CCDC171: variants seen among roughly 807,000 people sequenced by gnomAD.
The protein encoded by CCDC171 is coiled-coil domain containing 171, also known as coiled-coil domain-containing protein 171.
Under a neutral mutation model 168.2 loss-of-function variants are expected in CCDC171, and 177 were observed. The observed-to-expected ratio is 1.05, with a 90% confidence interval of 0.93 to 1.19. The LOEUF is 1.19. Among genes scored for constraint, CCDC171 ranks in the 50% most tolerant of loss-of-function variants. The pLI, the probability that CCDC171 is intolerant of heterozygous loss-of-function variation, is 0.00. For synonymous variants in CCDC171, 687 were observed against 540.8 expected, an observed-to-expected ratio of 1.27 and a Z score of -3.75; for missense variants, 1,991 against 1,539.0, an observed-to-expected ratio of 1.29 and a Z score of -4.91.
chr9:15,996,261 A>T (rs1832368320), intron 3 of CCDC171, among the ~76,000 whole-genome samples: 2 of 152,118 alleles, frequency 1.3e-5, no homozygotes, highest in African/African-American at 4.8e-5. Flanking sequence ...TAATGCACAT[A>T]GGTCTTGGCC....
intron 1 of CCDC171, among the ~76,000 whole-genome samples, chr9:16,054,492 TTTG>T (rs1195557065): frequency 6.6e-6 from 1 of 151,966 alleles, no homozygotes; most frequent in East Asian, 1.9e-4. Context: ...CATAAGCACC[TTTG>T]TTGTTGTTGT....
chr9:16,099,977 A>G, the CCDC171 span, among the ~76,000 whole-genome samples: 1 of 151,762 alleles, frequency 6.6e-6, no homozygotes, highest in Admixed American at 6.6e-5. Flanking sequence ...TGAGAAACCA[A>G]CGCTGTATGG....
intron 6 of CCDC171, among the ~76,000 whole-genome samples, chr9:15,600,096 A>G (rs2042717033): frequency 6.6e-6 from 1 of 152,058 alleles, no homozygotes; most frequent in African/African-American, 2.4e-5. Context: ...TTCCTCCTTT[A>G]GCTCGGAGTA....
intron 23 of CCDC171, among the ~76,000 whole-genome samples, chr9:15,858,597 A>G (rs1022409252): frequency 1.3e-5 from 2 of 151,934 alleles, no homozygotes; most frequent in African/African-American, 4.8e-5. Context: ...TTTTGCCAAT[A>G]TTTTATACTT....
At chr9:15,664,395 C>A (rs1185214249) in intron 8 of CCDC171, among the ~76,000 whole-genome samples, 1 of 152,038 alleles carries the variant, frequency 6.6e-6, no homozygotes, top group Non-Finnish European at 1.5e-5. Context: ...ATTACAAACG[C>A]GTGACACCAC....
intron 11 of CCDC171, among the ~76,000 whole-genome samples, chr9:15,717,373 C>T (rs2053159552): frequency 6.6e-6 from 1 of 152,186 alleles, no homozygotes; most frequent in African/African-American, 2.4e-5. Context: ...CTAAAGTGCT[C>T]AGGGTCCTAA....
chr9:15,569,677 T>C (rs985301605), intron 2 of CCDC171, among the ~76,000 whole-genome samples: 2 of 151,176 alleles, frequency 1.3e-5, no homozygotes, highest in African/African-American at 2.4e-5. Flanking sequence ...TAGCCGGGCG[T>C]GGTGGCGGGC....
chr9:15,768,192 T>TAA (rs34022345), intron 18 of CCDC171, among the ~76,000 whole-genome samples: 62,600 of 145,186 alleles, frequency 0.43, 13,469 homozygotes, highest in Non-Finnish European at 0.5. Context: ...ATGAGTTTCC[T>TAA]AAAAAAAAAA....
At chr9:15,879,861 T>A (rs1192040360) in intron 24 of CCDC171, among the ~76,000 whole-genome samples, 4 of 152,200 alleles carry the variant, frequency 2.6e-5, no homozygotes, top group Admixed American at 2.0e-4. Flanking sequence ...AAATATTATG[T>A]GTACTCTAAG....
At chr9:15,907,980 G>A (rs1822973261) in intron 24 of CCDC171, among the ~76,000 whole-genome samples, 1 of 151,972 alleles carries the variant, frequency 6.6e-6, no homozygotes, top group Non-Finnish European at 1.5e-5. Context: ...ATTTAGAATG[G>A]CAATCATTAA....
chr9:15,947,641 C>T (rs933001433), intron 25 of CCDC171, among the ~76,000 whole-genome samples: 3 of 151,832 alleles, frequency 2.0e-5, no homozygotes, highest in African/African-American at 7.3e-5. Context: ...CTTGTTTTAG[C>T]AATTGTGAAT....
At chr9:15,639,602 T>C (rs553019108) in intron 7 of CCDC171, among the ~76,000 whole-genome samples, 4 of 152,256 alleles carry the variant, frequency 2.6e-5, no homozygotes, top group African/African-American at 9.6e-5. Flanking sequence ...TACAGTGTTC[T>C]CCAGTTTATT....
intron 3 of CCDC171, among the ~76,000 whole-genome samples, chr9:16,005,797 A>T (rs1832677390): frequency 1.3e-5 from 2 of 152,160 alleles, no homozygotes; most frequent in African/African-American, 2.4e-5. Context: ...GCTAGGGGTG[A>T]GGGTGGCCTG....
chr9:16,033,512 C>T (rs1486738358), intron 6 of CCDC171, among the ~76,000 whole-genome samples: 1 of 152,228 alleles, frequency 6.6e-6, no homozygotes, highest in Non-Finnish European at 1.5e-5. Context: ...GTCTCTGTCT[C>T]CCATCACCCC....
intron 11 of CCDC171, among the ~76,000 whole-genome samples, chr9:15,700,549 G>C (rs2051643942): frequency 6.6e-6 from 1 of 152,286 alleles, no homozygotes; most frequent in South Asian, 2.1e-4. Flanking sequence ...CCCAGGCAGA[G>C]GAGGCGCCGA....
chr9:15,630,830 C>G (rs191474060), intron 7 of CCDC171, among the ~76,000 whole-genome samples: 4,398 of 152,188 alleles, frequency 0.029, 206 homozygotes, highest in African/African-American at 0.1. Context: ...TCTCTCAGAC[C>G]ACAGTGCAAT....
Position 15,797,161 on chromosome 9 carries a change from TAGTC to T in CCDC171, c.3267+12469_3267+12472del, listed in dbSNP as rs572784755. On this transcript the variant is annotated intron_variant, in intron 21 of 25. Coordinates refer to ENST00000380701, the MANE Select transcript of CCDC171 (RefSeq NM_173550.4). The stretch of plus-strand genomic sequence containing the variant: ...TATGTTAATCATCTTCTAGTGTACT[TAGTC>T]ATTCATATATGTTCTTTGTAAAATA... 2.8e-4 allele frequency among the ~76,000 whole-genome samples: 42 copies of T among 152,336 alleles called. No individual in the cohort carries two copies. In the East Asian group the frequency reaches 7.5e-3, roughly 27 times the overall value.
chr9:16,078,852 G>C, the CCDC171 span, among the ~76,000 whole-genome samples: 3 of 152,164 alleles, frequency 2.0e-5, no homozygotes, highest in South Asian at 4.1e-4. Flanking sequence ...ACTGGTTACA[G>C]GTCTTTCCCC....
In CCDC171 at chr9:15,972,013, C is replaced by CT. The variant is rs1831410137; in HGVS notation, c.*183dup. 3.8e-6 allele frequency: 2 copies of CT among 525,490 alleles called. No individual in the cohort carries two copies. Among genetic ancestry groups the CT allele is most frequent in the African/African-American group, 1.9e-5 (1 of 51,826 alleles). The allele number at this position is 525,490 out of a possible 1,614,324, so 32.6% of individuals were successfully genotyped here. A position where few individuals can be genotyped will look rare whatever the true frequency, so the allele number is the denominator to read the frequency against. ...TCTCCTTGAATAAGGAAATAGCCAACTTTTTTCTCTCCAAGTTTTATTTGT... is the reference window on the plus strand; with the variant it reads ...TCTCCTTGAATAAGGAAATAGCCAACTTTTTTTCTCTCCAAGTTTTATTTGT... On this transcript the variant is annotated 3_prime_UTR_variant, in exon 26 of 26. Transcript: ENST00000380701.
Sources: allele counts gnomAD v4.1 joint callset (sites outside exome capture counted in the v4.1 genomes callset), GRCh38; gene constraint gnomAD v4.1.1; transcripts MANE v1.5; gene names NCBI Gene and HGNC (gene_info 2026-07-23, HGNC 2026-07-21).